Variants in HSDL1 observed in about 807,000 individuals in gnomAD.
HSDL1 encodes the protein hydroxysteroid dehydrogenase like 1.
HSDL1 carries 29 observed loss-of-function variants against 31.5 expected under a neutral mutation model. The observed-to-expected ratio is 0.92, with a 90% CI of 0.69 to 1.26. HSDL1 has a LOEUF of 1.26. Among genes scored for constraint, HSDL1 ranks in the 50% most tolerant of loss-of-function variants. The probability of loss-of-function intolerance (pLI) is 0.00; values close to 1 mark genes in which losing one functional copy is unlikely to be tolerated. For missense variants in HSDL1, 503 were observed against 416.6 expected, an observed-to-expected ratio of 1.21 and a Z score of -1.81; for synonymous variants, 222 against 155.2, an observed-to-expected ratio of 1.43 and a Z score of -3.20.
chr16:84,128,768 C>T (rs1166545421), intron 5 of HSDL1, among the ~76,000 whole-genome samples: 7 of 151,412 alleles, frequency 4.6e-5, no homozygotes, highest in African/African-American at 1.5e-4. Flanking sequence ...AGTGCAGTAG[C>T]GTGATCTTGG....
chr16:84,139,574 G>A (rs1491002429), intron 1 of HSDL1, among the ~76,000 whole-genome samples: 3 of 152,158 alleles, frequency 2.0e-5, no homozygotes, highest in Non-Finnish European at 2.9e-5. Flanking sequence ...ATCTCCAGAA[G>A]GAAGAGACAT....
intron 1 of HSDL1, among the ~76,000 whole-genome samples, chr16:84,137,999 C>T (rs2086728469): frequency 6.6e-6 from 1 of 152,202 alleles, no homozygotes; most frequent in Non-Finnish European, 1.5e-5. Context: ...TGAATCTTAA[C>T]CCCCCAGGTG....
intron 5 of HSDL1, among the ~76,000 whole-genome samples, chr16:84,125,546 A>G (rs1032316878): frequency 6.6e-6 from 1 of 152,202 alleles, no homozygotes; most frequent in East Asian, 1.9e-4. Flanking sequence ...CACAACAAAT[A>G]CCCACCAATC....
chr16:84,132,558 T>C (rs1463402356), intron 2 of HSDL1, among the ~76,000 whole-genome samples: 1 of 152,320 alleles, frequency 6.6e-6, no homozygotes, highest in Non-Finnish European at 1.5e-5. Flanking sequence ...AGCAAGTATA[T>C]ACTAAGCACC....
Position 84,131,241 on chromosome 16 carries a change from C to T in HSDL1, c.81G>A (p.Leu27=), listed in dbSNP as rs1318878385. 1 of 1,614,100 alleles carries T rather than the reference C, an allele frequency of 6.2e-7. No individual in the cohort carries two copies. Among genetic ancestry groups the T allele is most frequent in the South Asian group, 1.1e-5 (1 of 91,084 alleles). The part of the protein sequence containing the change: ...SCNCYMEALA[L]VGAWYTARKS... Reference sequence around the variant, plus strand: ...TTCTGGCCGTATACCAGGCTCCAACCAAAGCTAGAGCTTCCATATAGCAAT... The same window carrying T: ...TTCTGGCCGTATACCAGGCTCCAACTAAAGCTAGAGCTTCCATATAGCAAT... The change falls in exon 3 of 6, where the codon TTG becomes TTA. Residue 27 remains leucine (L), a synonymous_variant. Transcript: ENST00000219439.
chr16:84,142,307 G>T (rs4423405), intron 1 of HSDL1, among the ~76,000 whole-genome samples: 7,189 of 152,004 alleles, frequency 0.047, 260 homozygotes, highest in South Asian at 0.17. Context: ...TCCCTCCTTA[G>T]CCTCAGGTCA....
At chr16:84,129,964 C>T (rs762860676) in intron 4 of HSDL1, 22 bp downstream of exon 4, 2 of 1,599,882 alleles carry the variant, frequency 1.3e-6, no homozygotes, top group South Asian at 2.2e-5. Flanking sequence ...AGGATTTCAT[C>T]TTCCAGTAAG....
chr16:84,133,310 G>C (rs1162206133), intron 2 of HSDL1, among the ~76,000 whole-genome samples: 2 of 152,128 alleles, frequency 1.3e-5, no homozygotes, highest in Non-Finnish European at 2.9e-5. Context: ...AAATGGAGAA[G>C]CAGTAGGATT....
At chr16:84,144,457 G>C (rs984370097) in intron 1 of HSDL1, 2 of 152,430 alleles carry the variant, frequency 1.3e-5, no homozygotes, top group African/African-American at 2.4e-5. Flanking sequence ...CGTTCAGAAC[G>C]GGGACCTGCC....
chr16:84,143,594 A>C (rs992362525), intron 1 of HSDL1, among the ~76,000 whole-genome samples: 1 of 152,140 alleles, frequency 6.6e-6, no homozygotes, highest in Admixed American at 6.5e-5. Flanking sequence ...CTAAAATGAT[A>C]AATTTTATGT....
chr16:84,130,297 T>C lies in HSDL1; in HGVS notation c.355A>G (p.Thr119Ala), dbSNP rs2151186745. 6.2e-7 allele frequency: 1 copy of C among 1,614,242 alleles called. No individual in the cohort carries two copies. Among genetic ancestry groups the C allele is most frequent in the Admixed American group, 1.7e-5 (1 of 60,028 alleles). ...KDIADTYKVE[T>A]DIIVADFSSG... ...CTGAAGTCCGCAACTATAATATCAG[T>C]TTCCACTTTGTACGTGTCGGCTATG... Residue 119 changes from threonine to alanine, a missense_variant, in exon 4 of 6, where the codon ACT becomes GCT. By Grantham distance (58) the Thr-to-Ala change is moderately conservative. Coordinates refer to ENST00000219439, the MANE Select transcript of HSDL1 (RefSeq NM_031463.5).
At chr16:84,143,903 T>G (rs1186805645) in intron 1 of HSDL1, among the ~76,000 whole-genome samples, 2 of 151,382 alleles carry the variant, frequency 1.3e-5, no homozygotes, top group Non-Finnish European at 2.9e-5. Flanking sequence ...CTCGGAAGGC[T>G]GAGGCAGGAG....
At chr16:84,135,215 A>C (rs1187264429) in intron 2 of HSDL1, among the ~76,000 whole-genome samples, 1 of 152,036 alleles carries the variant, frequency 6.6e-6, no homozygotes, top group African/African-American at 2.4e-5. Context: ...CCTGGACGAC[A>C]GAGGGAGACT....
chr16:84,134,234 CAG>C (rs2086692424), intron 2 of HSDL1, among the ~76,000 whole-genome samples: 1 of 152,152 alleles, frequency 6.6e-6, no homozygotes, highest in Non-Finnish European at 1.5e-5. Flanking sequence ...GGCACGGTAT[CAG>C]AGTTTTCACA....
At chr16:84,136,207 G>A (rs2086710925) in intron 1 of HSDL1, among the ~76,000 whole-genome samples, 1 of 152,228 alleles carries the variant, frequency 6.6e-6, no homozygotes, top group Non-Finnish European at 1.5e-5. Flanking sequence ...CTGGCAGGGT[G>A]GCAGGGAGGA....
At chr16:84,127,847 T>C (rs1037486138) in intron 5 of HSDL1, among the ~76,000 whole-genome samples, 1 of 150,352 alleles carries the variant, frequency 6.7e-6, no homozygotes, top group African/African-American at 2.4e-5. Flanking sequence ...GCCTCCTGAG[T>C]AGCTGGGACT....
chr16:84,138,316 T>C (rs2086731786), intron 1 of HSDL1, among the ~76,000 whole-genome samples: 2 of 152,122 alleles, frequency 1.3e-5, no homozygotes, highest in Non-Finnish European at 2.9e-5. Context: ...TTGCTAGAGG[T>C]GGGGTCATGG....
chr16:84,129,564 C>A lies in HSDL1; in HGVS notation c.878G>T (p.Trp293Leu), dbSNP rs1321206697. Residue 293 changes from tryptophan (W) to leucine (L), a missense_variant, in exon 5 of 6, where the codon TGG becomes TTG. Physicochemically the swap from Trp to Leu is moderately conservative, Grantham distance 61. Transcript: ENST00000219439. ...LGISKRTTGYWSHSIQFLFAQ... is the reference protein window; with the variant it reads ...LGISKRTTGYLSHSIQFLFAQ... ...CACTCCTACCTGAATAGAATGGGAC[C>A]AATATCCTGTGGTCCTTTTGGAAAT... The A allele has an allele frequency of 6.2e-7, 1 of 1,613,586 alleles. No homozygotes were observed. The highest frequency in any genetic ancestry group is 8.5e-7 in the Non-Finnish European group (1 of 1,179,622).
At chr16:84,127,163 G>A (rs1431983686) in intron 5 of HSDL1, among the ~76,000 whole-genome samples, 2 of 145,224 alleles carry the variant, frequency 1.4e-5, no homozygotes, top group Non-Finnish European at 3.0e-5. Flanking sequence ...CTTTTCTCAA[G>A]TAATTAAAGG....
Sources: allele counts gnomAD v4.1 joint callset (sites outside exome capture counted in the v4.1 genomes callset), GRCh38; gene constraint gnomAD v4.1.1; transcripts MANE v1.5; gene names NCBI Gene and HGNC (gene_info 2026-07-23, HGNC 2026-07-21).